The following TG variants were observed in gnomAD, a reference collection of about 807,000 sequenced individuals.
TG encodes thyroglobulin, also known as thyroid hormones.
In TG, 270 loss-of-function variants were observed where a neutral mutation model predicts 324.7. That is an observed-to-expected ratio of 0.83 (90% CI 0.75 to 0.92). The LOEUF is 0.92. Ranked by LOEUF, TG falls within the 40% of genes least tolerant of loss-of-function variation. The pLI, the probability that TG is intolerant of heterozygous loss-of-function variation, is 0.00. For synonymous variants in TG, 1,401 were observed against 1,327.0 expected, an observed-to-expected ratio of 1.06 and a Z score of -1.21; for missense variants, 3,591 against 3,456.4, an observed-to-expected ratio of 1.04 and a Z score of -0.98.
chr8:133,091,341 G>A (rs1280487675), intron 41 of TG, among the ~76,000 whole-genome samples: 1 of 152,186 alleles, frequency 6.6e-6, no homozygotes, highest in Non-Finnish European at 1.5e-5. Flanking sequence ...CACATTCCAG[G>A]GTGGGACTGA....
chr8:132,966,605 T>C lies in TG; in HGVS notation c.5594T>C (p.Ile1865Thr). ...LFSPVDLNQVIVNGNQSLSSQ... is the reference protein window; with the variant it reads ...LFSPVDLNQVTVNGNQSLSSQ... ...TCCCCTGTGGACCTCAACCAGGTCA[T>C]TGTCAATGGAAATCAATCACTATCC... The change falls in exon 30 of 48, where the codon ATT (isoleucine) becomes ACT (threonine). Residue 1865 changes from isoleucine to threonine, a missense_variant. Ile to Thr is a moderately conservative substitution (Grantham distance 89, BLOSUM62 -1). Coordinates refer to ENST00000220616, the MANE Select transcript of TG (RefSeq NM_003235.5). 6.2e-7 allele frequency: 1 copy of C among 1,614,120 alleles called. No individual in the cohort carries two copies.
intron 41 of TG, chr8:133,040,312 G>C (rs937160058): frequency 8.2e-5 from 53 of 644,412 alleles, no homozygotes; most frequent in Non-Finnish European, 1.3e-4. Flanking sequence ...AGCTGTTTGA[G>C]AAATGTAAGC....
intron 37 of TG, 122 bp downstream of exon 37, chr8:133,013,886 G>A: frequency 4.2e-6 from 5 of 1,203,726 alleles, no homozygotes; most frequent in Non-Finnish European, 3.5e-6. Flanking sequence ...GGGCTAGGTG[G>A]CACTCACTTG....
At chr8:133,046,693 G>A (rs898361269) in intron 41 of TG, 3 of 152,184 alleles carry the variant, frequency 2.0e-5, no homozygotes, top group African/African-American at 4.8e-5. Context: ...TCTGAGTCGG[G>A]GCATCCTGCC....
chr8:133,030,074 A>G (rs942893231), intron 41 of TG, 51 bp downstream of exon 41: 1 of 1,609,620 alleles, frequency 6.2e-7, no homozygotes, highest in Non-Finnish European at 8.5e-7. Context: ...CGGCTGGGGG[A>G]GGTGGTTCTC....
Position 132,888,211 on chromosome 8 carries a change from C to A in TG, c.2404C>A (p.Leu802Met). 6.2e-7 allele frequency: 1 copy of A among 1,614,206 alleles called. No individual in the cohort carries two copies. The highest frequency in any genetic ancestry group is 1.1e-5 in the South Asian group (1 of 91,082). Residue 802 changes from leucine to methionine, a missense_variant, in exon 10 of 48, where the codon CTG becomes ATG. Leu to Met is a conservative substitution (Grantham distance 15). Transcript: ENST00000220616. Reference sequence around the variant, plus strand: ...GGGCCAGGATCTGACGCCTGCCAAGCTGCTAGTGAAGATCATGAGCTACAG... The same window carrying A: ...GGGCCAGGATCTGACGCCTGCCAAGATGCTAGTGAAGATCATGAGCTACAG... ...NKGQDLTPAK[L>M]LVKIMSYREA...
chr8:132,961,081 C>G lies in TG; in HGVS notation c.5467+8C>G. The stretch of plus-strand genomic sequence containing the variant: ...AGGTTTATCTCTGGAAAGGTGAGCT[C>G]CGTGGTGGAAGAGGGGGTTAGCAGG... On this transcript the variant is annotated splice_region_variant and intron_variant, in intron 28 of 47. Coordinates refer to ENST00000220616, the MANE Select transcript of TG (RefSeq NM_003235.5). 2 of 1,613,984 alleles carry G rather than the reference C, an allele frequency of 1.2e-6. No individual in the cohort carries two copies. The highest frequency in any genetic ancestry group is 1.7e-6 in the Non-Finnish European group (2 of 1,179,914).
At chr8:132,944,984 G>A (rs1281795526) in intron 26 of TG, among the ~76,000 whole-genome samples, 3 of 152,140 alleles carry the variant, frequency 2.0e-5, no homozygotes, top group Non-Finnish European at 4.4e-5. Flanking sequence ...AAGGCCAGAG[G>A]TTTAAGGGGC....
intron 40 of TG, among the ~76,000 whole-genome samples, chr8:133,027,363 C>T (rs80292944): frequency 2.2e-3 from 342 of 152,312 alleles, no homozygotes; most frequent in African/African-American, 7.7e-3. Flanking sequence ...GTCAGTTCTC[C>T]CTGTGGGCAG....
At chr8:133,070,021 AAAAAAG>A (rs1843739313) in intron 41 of TG, among the ~76,000 whole-genome samples, 2 of 94,866 alleles carry the variant, frequency 2.1e-5, no homozygotes, top group Non-Finnish European at 5.3e-5. Flanking sequence ...AAAAAAAAAA[AAAAAAG>A]AAAGAAAGAA....
intron 1 of TG, among the ~76,000 whole-genome samples, chr8:132,867,423 C>T (rs894574376): frequency 9.9e-5 from 15 of 151,788 alleles, no homozygotes; most frequent in Admixed American, 7.2e-4. Flanking sequence ...ATTTTAGAAG[C>T]AGTAGAAAAA....
intron 41 of TG, chr8:133,046,707 G>A (rs1425401613): frequency 1.3e-5 from 2 of 152,202 alleles, no homozygotes; most frequent in South Asian, 2.1e-4. Context: ...TCCTGCCTCC[G>A]GGGACCTCTA....
intron 41 of TG, among the ~76,000 whole-genome samples, chr8:133,051,087 G>T (rs1481669104): frequency 6.6e-6 from 1 of 152,214 alleles, no homozygotes; most frequent in Non-Finnish European, 1.5e-5. Context: ...TGGCTCTGCA[G>T]GGTGTGCGTA....
rs907206929 is a variant in TG, at chr8:133,001,973, G to A, written c.6263-9928G>A. 57 of 985,436 alleles carry A rather than the reference G, an allele frequency of 5.8e-5. No individual in the cohort carries two copies. The African/African-American group carries it at 9.4e-4, about 16-fold the overall frequency. 61.0% of individuals were successfully genotyped at this position (985,436 alleles called of 1,614,324 possible). A position where few individuals can be genotyped will look rare whatever the true frequency, so the allele number is the denominator to read the frequency against. ...TCTTGGTTTTGATTGCGGGAAGAAGGGTGAGGATCCTGAAGACTTTTGGAT... is the reference window on the plus strand; with the variant it reads ...TCTTGGTTTTGATTGCGGGAAGAAGAGTGAGGATCCTGAAGACTTTTGGAT... On this transcript the variant is annotated intron_variant, in intron 35 of 47. Coordinates refer to ENST00000220616, the MANE Select transcript of TG (RefSeq NM_003235.5).
intron 41 of TG, among the ~76,000 whole-genome samples, chr8:133,083,472 A>G (rs1467015225): frequency 6.6e-6 from 1 of 152,192 alleles, no homozygotes; most frequent in Admixed American, 6.5e-5. Flanking sequence ...TAGTTTTCCT[A>G]AGAACACACA....
At chr8:133,032,182 C>T (rs1836703784) in intron 41 of TG, among the ~76,000 whole-genome samples, 1 of 152,172 alleles carries the variant, frequency 6.6e-6, no homozygotes, top group Admixed American at 6.5e-5. Flanking sequence ...GCCCCAGGAC[C>T]CACAGGATAC....
intron 23 of TG, among the ~76,000 whole-genome samples, chr8:132,930,893 A>G (rs1822615068): frequency 6.6e-6 from 1 of 152,226 alleles, no homozygotes; most frequent in Admixed American, 6.5e-5. Context: ...AAGGAGGTCC[A>G]GCAAGATGCC....
At chr8:133,030,405 G>C (rs1431781638) in intron 41 of TG, among the ~76,000 whole-genome samples, 1 of 152,186 alleles carries the variant, frequency 6.6e-6, no homozygotes, top group African/African-American at 2.4e-5. Flanking sequence ...GGCTGATGAT[G>C]ATGGTGATGA....
chr8:133,091,164 T>A (rs1242839022), intron 41 of TG, among the ~76,000 whole-genome samples: 1 of 152,232 alleles, frequency 6.6e-6, no homozygotes, highest in East Asian at 1.9e-4. Flanking sequence ...TTTGTCCTCG[T>A]CTTCATTGTT....
Sources: gnomAD v4.1 joint callset for allele counts (sites outside exome capture counted in the v4.1 genomes callset) on GRCh38, gnomAD v4.1.1 for gene constraint, MANE v1.5 for transcripts, NCBI Gene and HGNC (gene_info 2026-07-23, HGNC 2026-07-21) for gene names.